The following SLC30A9 variants were observed in gnomAD, a reference collection of about 807,000 sequenced individuals.
The protein encoded by SLC30A9 is solute carrier family 30 member 9.
Under a neutral mutation model 87.5 loss-of-function variants are expected in SLC30A9, and 58 were observed. The ratio of observed to expected loss-of-function variants is 0.66; its 90% confidence interval spans 0.54 to 0.82. The LOEUF is 0.82. SLC30A9 is among the 40% of genes least tolerant of loss of function. The pLI is 0.00. For synonymous variants in SLC30A9, 234 were observed against 233.0 expected (o/e 1.00, Z -0.04); for missense variants, 557 against 679.1 (o/e 0.82, Z 2.00).
At chr4:42,003,570 T>C (rs531293499) in intron 2 of SLC30A9, among the ~76,000 whole-genome samples, 1 of 152,306 alleles carries the variant, frequency 6.6e-6, no homozygotes, top group South Asian at 2.1e-4. Context: ...TAGTGAGCTC[T>C]CCACTACATT....
chr4:42,017,546 ATAAT>A (rs1403334824), intron 2 of SLC30A9, among the ~76,000 whole-genome samples: 3 of 152,080 alleles, frequency 2.0e-5, no homozygotes, highest in Non-Finnish European at 4.4e-5. Context: ...TAACATTTAA[ATAAT>A]TAATTAATCT....
intron 15 of SLC30A9, among the ~76,000 whole-genome samples, chr4:42,071,675 CAAA>C (rs56891419): frequency 2.7e-3 from 334 of 125,360 alleles, no homozygotes; most frequent in South Asian, 3.6e-3. Flanking sequence ...AACCCTGTCT[CAAA>C]AAAAAAAAAA....
chr4:41,999,418 G>A (rs973413941), intron 1 of SLC30A9, among the ~76,000 whole-genome samples: 6 of 152,186 alleles, frequency 3.9e-5, no homozygotes, highest in Admixed American at 1.3e-4. Context: ...TTGAAGAACA[G>A]TAGACACTAT....
At chr4:42,053,398 A>G (rs1008141124) in intron 9 of SLC30A9, among the ~76,000 whole-genome samples, 2 of 152,176 alleles carry the variant, frequency 1.3e-5, no homozygotes, top group Non-Finnish European at 2.9e-5. Context: ...AAAGATTTGT[A>G]TAAGAATGTT....
At chr4:42,004,619 G>C (rs570245000) in intron 2 of SLC30A9, among the ~76,000 whole-genome samples, 17 of 148,986 alleles carry the variant, frequency 1.1e-4, no homozygotes, top group Non-Finnish European at 2.4e-4. Flanking sequence ...ATGTATGTTG[G>C]GTTTTTAACT....
chr4:42,032,977 G>A (rs556437070), intron 6 of SLC30A9, among the ~76,000 whole-genome samples: 18 of 152,128 alleles, frequency 1.2e-4, no homozygotes, highest in African/African-American at 3.9e-4. Context: ...GTTTCAAATA[G>A]CAGTATTAAT....
intron 2 of SLC30A9, among the ~76,000 whole-genome samples, chr4:42,005,406 A>AT (rs976244390): frequency 5.3e-5 from 8 of 152,068 alleles, no homozygotes; most frequent in Admixed American, 5.2e-4. Context: ...TCAGAGGAGT[A>AT]TTTTTTTCTT....
At chr4:42,084,683 G>A (rs546741733) in intron 17 of SLC30A9, among the ~76,000 whole-genome samples, 61 of 152,226 alleles carry the variant, frequency 4.0e-4, no homozygotes, top group African/African-American at 1.4e-3. Flanking sequence ...ATGTTGGCCA[G>A]GATGGTCTTG....
intron 7 of SLC30A9, among the ~76,000 whole-genome samples, chr4:42,038,165 A>C (rs1179401341): frequency 6.6e-6 from 1 of 152,054 alleles, no homozygotes; most frequent in African/African-American, 2.4e-5. Context: ...CTAGATTTTT[A>C]TTCTCTTGTT....
chr4:42,075,579 T>C, intron 15 of SLC30A9, 78 bp from the exon 16 acceptor site: 1 of 1,342,406 alleles, frequency 7.4e-7, no homozygotes, highest in African/African-American at 1.5e-5. Context: ...AAACAATAAT[T>C]CAAGCCTTTG....
chr4:42,032,339 C>A (rs757785264), intron 6 of SLC30A9, among the ~76,000 whole-genome samples: 2 of 152,062 alleles, frequency 1.3e-5, no homozygotes, highest in African/African-American at 4.8e-5. Context: ...TCAATGGTTT[C>A]GTTAGGATTC....
chr4:42,026,496 G>A (rs770693441), intron 6 of SLC30A9, among the ~76,000 whole-genome samples: 9 of 152,058 alleles, frequency 5.9e-5, no homozygotes, highest in Admixed American at 3.3e-4. Context: ...TCTGTTAAAC[G>A]ACTAACAGAT....
At chr4:42,057,480 C>T (rs969537531) in intron 9 of SLC30A9, among the ~76,000 whole-genome samples, 7 of 152,166 alleles carry the variant, frequency 4.6e-5, no homozygotes, top group Non-Finnish European at 1.0e-4. Flanking sequence ...GGAGCTGTAC[C>T]TTGGCCCCTT....
Position 42,087,758 on chromosome 4 carries a change from CTTT to C in SLC30A9, c.*1639_*1641del, listed in dbSNP as rs929997832. 6.7e-6 allele frequency: 1 copy of C among 150,252 alleles called. No individual in the cohort carries two copies. The highest frequency in any genetic ancestry group is 2.4e-5 in the African/African-American group (1 of 40,926). The allele number at this position is 150,252 out of a possible 1,614,324, so 9.3% of individuals were successfully genotyped here. A position where few individuals can be genotyped will look rare whatever the true frequency, so the allele number is the denominator to read the frequency against. On this transcript the variant is annotated 3_prime_UTR_variant, in exon 18 of 18. Transcript: ENST00000264451. ...CCTTATCCCTTCTTTACAAAAAAAA[CTTT>C]TTTTTTACCTGTTATGATTTATTCT...
intron 6 of SLC30A9, among the ~76,000 whole-genome samples, chr4:42,024,068 A>C (rs1716088682): frequency 6.6e-6 from 1 of 152,242 alleles, no homozygotes; most frequent in Non-Finnish European, 1.5e-5. Flanking sequence ...GAGCCAAATC[A>C]TATCAATTAC....
At chr4:42,025,683 C>T (rs776183055) in intron 6 of SLC30A9, among the ~76,000 whole-genome samples, 18 of 152,018 alleles carry the variant, frequency 1.2e-4, no homozygotes, top group African/African-American at 2.7e-4. Context: ...TTTTATTTTT[C>T]GAGACAGAGT....
At chr4:42,017,329 T>A (rs1034662840) in intron 2 of SLC30A9, among the ~76,000 whole-genome samples, 3 of 151,730 alleles carry the variant, frequency 2.0e-5, no homozygotes, top group African/African-American at 7.2e-5. Context: ...TTGATTCTAT[T>A]TGTTGGAAAT....
chr4:42,008,254 C>T (rs568762901), intron 2 of SLC30A9, among the ~76,000 whole-genome samples: 269 of 152,302 alleles, frequency 1.8e-3, no homozygotes, highest in African/African-American at 6.0e-3. Flanking sequence ...AATGTCAGCT[C>T]TGCATAGAGA....
intron 3 of SLC30A9, among the ~76,000 whole-genome samples, chr4:42,018,763 A>G (rs1306637680): frequency 6.6e-6 from 1 of 152,182 alleles, no homozygotes; most frequent in Admixed American, 6.5e-5. Context: ...TTTCTCCCCT[A>G]TAACGTGGTG....
Sources: gnomAD v4.1 joint callset for allele counts (sites outside exome capture counted in the v4.1 genomes callset) on GRCh38, gnomAD v4.1.1 for gene constraint, MANE v1.5 for transcripts, NCBI Gene and HGNC (gene_info 2026-07-23, HGNC 2026-07-21) for gene names.